EIF5B: variants seen among roughly 807,000 people sequenced by gnomAD.
The protein encoded by EIF5B is eukaryotic translation initiation factor 5B.
In EIF5B, 47 loss-of-function variants were observed where a neutral mutation model predicts 147.5. The observed-to-expected ratio is 0.32, with a 90% CI of 0.25 to 0.41. EIF5B has a LOEUF of 0.41. Among genes scored for constraint, EIF5B ranks in the 10% least tolerant of loss-of-function variants. The pLI is 1.00. For missense variants in EIF5B, 1,064 were observed against 1,413.2 expected (o/e 0.75, Z 3.96); for synonymous variants, 455 against 456.2 (o/e 1.00, Z 0.03).
intron 1 of EIF5B, among the ~76,000 whole-genome samples, chr2:99,356,262 A>G (rs2105342008): frequency 6.6e-6 from 1 of 152,226 alleles, no homozygotes; most frequent in Non-Finnish European, 1.5e-5. Context: ...TGTTTGTCAG[A>G]TTTCTACATT....
rs755586718 is a variant in EIF5B at position 99,382,893 on chromosome 2, A to G, written c.2243A>G (p.Lys748Arg). The change falls in exon 14 of 24, where the codon AAA becomes AGA. Residue 748 changes from lysine to arginine, a missense_variant. Physicochemically the swap from Lys to Arg is conservative, Grantham distance 26 (BLOSUM62 2). This residue lies in a region of EIF5B where 380 missense variants were observed against 715.6 expected (regional missense o/e 0.53). Coordinates refer to ENST00000289371, the MANE Select transcript of EIF5B (RefSeq NM_015904.4). ...IESINLLKSKKCPFIVALNKI... is the reference protein window; with the variant it reads ...IESINLLKSKRCPFIVALNKI... ...TCTATCAACCTTCTCAAATCTAAAA[A>G]ATGTCCCTTCATTGTTGCACTCAAT... 1.9e-6 allele frequency: 3 copies of G among 1,610,580 alleles called. No homozygotes were observed. Among genetic ancestry groups the G allele is most frequent in the Non-Finnish European group, 2.5e-6 (3 of 1,178,988 alleles).
chr2:99,376,824 G>A (rs1674576553), intron 10 of EIF5B, among the ~76,000 whole-genome samples, 188 bp downstream of exon 10: 2 of 152,040 alleles, frequency 1.3e-5, no homozygotes, highest in African/African-American at 4.8e-5. Context: ...CCCCGTCCCC[G>A]CTCTTACCTA....
intron 1 of EIF5B, among the ~76,000 whole-genome samples, chr2:99,339,193 A>T (rs2094253177): frequency 1.3e-5 from 2 of 151,474 alleles, no homozygotes; most frequent in Non-Finnish European, 2.9e-5. Flanking sequence ...GTGTATTTTT[A>T]GTAGAGACGG....
At chr2:99,392,580 G>A (rs7593274) in intron 17 of EIF5B, among the ~76,000 whole-genome samples, 64,808 of 151,976 alleles carry the variant, frequency 0.43, 14,070 homozygotes, top group Admixed American at 0.57. Context: ...GCTCATTGCC[G>A]TTTCAGTGTG....
In EIF5B at chr2:99,360,352, A is replaced by G; in HGVS notation, c.152A>G (p.Gln51Arg). Residue 51 changes from glutamine (Q) to arginine (R), a missense_variant, in exon 2 of 24, where the codon CAG becomes CGG. Gln to Arg is a conservative substitution (Grantham distance 43). This residue lies in a region of EIF5B where 458 missense variants were observed against 451.3 expected (regional missense o/e 1.01). Transcript: ENST00000289371. The stretch of plus-strand genomic sequence containing the variant: ...AAAAAGAAAAAAGAGAAAAAAAAGC[A>G]GGACTTTGAGTAAGTATATTTTAAA... Reference protein sequence around the residue: ...KGKKKKEKKKQDFDEDDILKE... With the variant: ...KGKKKKEKKKRDFDEDDILKE... 6.2e-7 allele frequency: 1 copy of G among 1,600,248 alleles called. No homozygotes were observed.
At chr2:99,338,796 C>G in intron 1 of EIF5B, among the ~76,000 whole-genome samples, 1 of 151,582 alleles carries the variant, frequency 6.6e-6, no homozygotes, top group Admixed American at 6.6e-5. Flanking sequence ...TTTTTCCTTG[C>G]TAATGTTCAG....
intron 1 of EIF5B, chr2:99,338,322 G>T (rs2094249165): frequency 1.6e-6 from 2 of 1,288,954 alleles, no homozygotes; most frequent in Non-Finnish European, 2.0e-6. Context: ...CTTACCTAGA[G>T]ATTTTTGAGA....
intron 14 of EIF5B, among the ~76,000 whole-genome samples, chr2:99,387,370 T>A (rs1047926526): frequency 4.5e-4 from 69 of 152,220 alleles, no homozygotes; most frequent in Non-Finnish European, 7.1e-4. Context: ...GGGTTTACTT[T>A]TTTTCCATAG....
chr2:99,353,005 C>CTTTTTTTTTT (rs529053292), intron 1 of EIF5B, among the ~76,000 whole-genome samples: 1,406 of 62,832 alleles, frequency 0.022, 197 homozygotes, highest in Middle Eastern at 0.067. Flanking sequence ...TCTTCTTCTT[C>CTTTTTTTTTT]TTTTTTTTTT....
chr2:99,371,547 A>T, intron 8 of EIF5B, 109 bp from the exon 9 acceptor site: 1 of 853,444 alleles, frequency 1.2e-6, no homozygotes, highest in Non-Finnish European at 1.8e-6. Flanking sequence ...TTTTTTACAT[A>T]ATTAAAACAT....
In EIF5B at chr2:99,391,502, C is replaced by T. The variant is rs114410882; in HGVS notation, c.2748+797C>T. Among the ~76,000 whole-genome samples, 1,096 of 152,298 alleles carry T rather than the reference C, an allele frequency of 7.2e-3. 10 individuals carry two copies. The highest frequency in any genetic ancestry group is 0.025 in the African/African-American group (1,025 of 41,562). Reference sequence around the variant, plus strand: ...GAAGCAACCAGATGGAGAATCAGAACGCTGCTGGCACCCAGAAGCTTCCTG... The same window carrying T: ...GAAGCAACCAGATGGAGAATCAGAATGCTGCTGGCACCCAGAAGCTTCCTG... On this transcript the variant is annotated intron_variant, in intron 17 of 23. Transcript: ENST00000289371.
At chr2:99,382,328 T>A in intron 13 of EIF5B, 102 bp downstream of exon 13, 1 of 875,918 alleles carries the variant, frequency 1.1e-6, no homozygotes, top group Non-Finnish European at 1.8e-6. Context: ...ATTTGATCTC[T>A]ATAACTACCA....
At chr2:99,387,409 C>A (rs575674385) in intron 14 of EIF5B, among the ~76,000 whole-genome samples, 73 of 152,138 alleles carry the variant, frequency 4.8e-4, no homozygotes, top group African/African-American at 1.7e-3. Flanking sequence ...AGACTCTTTG[C>A]TGAAAAAATT....
chr2:99,356,329 G>C (rs1449487340), intron 1 of EIF5B, among the ~76,000 whole-genome samples: 1 of 152,036 alleles, frequency 6.6e-6, no homozygotes, highest in Non-Finnish European at 1.5e-5. Flanking sequence ...TGAAATCACT[G>C]TACACAGCTC....
At chr2:99,365,749 A>T (rs1303822468) in intron 6 of EIF5B, among the ~76,000 whole-genome samples, 1 of 151,732 alleles carries the variant, frequency 6.6e-6, no homozygotes, top group Non-Finnish European at 1.5e-5. Flanking sequence ...CTGGTCTCTT[A>T]CTCTTCATAG....
intron 4 of EIF5B, among the ~76,000 whole-genome samples, chr2:99,363,121 A>G (rs1674255059): frequency 6.6e-6 from 1 of 152,152 alleles, no homozygotes; most frequent in Admixed American, 6.5e-5. Context: ...CCATGAAAGT[A>G]CCTTCATAGC....
Position 99,361,693 on chromosome 2 carries a change from G to C in EIF5B, c.792G>C (p.Lys264Asn). ...KEKEELETGK[K>N]DQSKQKESQR... ...AAGAAGAGTTAGAAACAGGTAAAAA[G>C]GATCAGAGTAAACAAAAGGAATCTC... Residue 264 changes from lysine to asparagine, a missense_variant, in exon 4 of 24, where the codon AAG (lysine) becomes AAC (asparagine). Physicochemically the swap from Lys to Asn is moderately conservative, Grantham distance 94. Around this residue, in one of 4 missense-constraint regions of EIF5B, gnomAD observed 458 missense variants for 451.3 expected, o/e 1.01. Coordinates refer to ENST00000289371, the MANE Select transcript of EIF5B (RefSeq NM_015904.4). 1 of 1,601,666 alleles carries C rather than the reference G, an allele frequency of 6.2e-7. No homozygotes were observed. The highest frequency in any genetic ancestry group is 1.4e-5 in the African/African-American group (1 of 73,924).
intron 22 of EIF5B, chr2:99,398,529 T>G (rs906102818): frequency 6.9e-6 from 3 of 432,840 alleles, no homozygotes; most frequent in Admixed American, 4.0e-5. Flanking sequence ...GCAAAGCACA[T>G]TATCTCCTGT....
At position 99,391,095 on chromosome 2, in the gene EIF5B, T is replaced by C. The variant is rs189918950; in HGVS notation, c.2748+390T>C. Among the ~76,000 whole-genome samples the C allele has an allele frequency of 2.6e-3, 392 of 152,306 alleles. 3 individuals carry two copies. The highest frequency in any genetic ancestry group is 9.1e-3 in the African/African-American group (378 of 41,564). On this transcript the variant is annotated intron_variant, in intron 17 of 23. Transcript: ENST00000289371. ...TTGACCAGAAGCCTTACCAATCACA[T>C]ACACAGTCGACTAACATGTTTTGTA...
Sources: allele counts gnomAD v4.1 joint callset (sites outside exome capture counted in the v4.1 genomes callset), GRCh38; gene constraint gnomAD v4.1.1; regional missense constraint gnomAD v4.1.1; transcripts MANE v1.5; gene names NCBI Gene and HGNC (gene_info 2026-07-23, HGNC 2026-07-21).